Variants in LRRC9 observed in about 807,000 individuals in gnomAD.
The protein encoded by LRRC9 is leucine rich repeat containing 9, also known as leucine-rich repeat-containing protein 9.
Under a neutral mutation model 63.2 loss-of-function variants are expected in LRRC9, and 122 were observed. The ratio of observed to expected loss-of-function variants is 1.93; its 90% CI spans 1.67 to 2.24. LRRC9 has a LOEUF of 2.24. Ranked by LOEUF, LRRC9 falls within the 30% of genes most tolerant of loss-of-function variation. The pLI, the probability that LRRC9 is intolerant of heterozygous loss-of-function variation, is 0.00. For missense variants in LRRC9, 1,071 were observed against 627.7 expected, an observed-to-expected ratio of 1.71 and a Z score of -7.55; for synonymous variants, 366 against 213.1, an observed-to-expected ratio of 1.72 and a Z score of -6.25.
At chr14:59,979,052 T>C (rs1040916324) in intron 15 of LRRC9, among the ~76,000 whole-genome samples, 1 of 152,208 alleles carries the variant, frequency 6.6e-6, no homozygotes, top group Non-Finnish European at 1.5e-5. Flanking sequence ...GACCATTTTC[T>C]ATTAAACTCT....
chr14:59,992,559 G>GA (rs1888268015), intron 17 of LRRC9, among the ~76,000 whole-genome samples: 2 of 151,976 alleles, frequency 1.3e-5, no homozygotes, highest in East Asian at 1.9e-4. Context: ...TAAAAACCTT[G>GA]AAAAAAAATT....
At chr14:60,022,662 C>T (rs1891203398) in intron 26 of LRRC9, 72 bp from the exon 27 acceptor site, 1 of 463,344 alleles carries the variant, frequency 2.2e-6, no homozygotes, top group Admixed American at 3.8e-5. Context: ...TAAACACATA[C>T]TGAACTGTCT....
At position 60,003,090 on chromosome 14, in the gene LRRC9, A is replaced by G. The variant is rs1408504502; in HGVS notation, c.2665-531A>G. 6.6e-6 allele frequency among the ~76,000 whole-genome samples: 1 copy of G among 152,238 alleles called. No homozygotes were observed. Among genetic ancestry groups the G allele is most frequent in the Non-Finnish European group, 1.5e-5 (1 of 68,040 alleles). On this transcript the variant is annotated intron_variant, in intron 20 of 31. Transcript: ENST00000445360. The surrounding 1 kb of genome is among the most constrained non-coding windows in gnomAD (Gnocchi z 4.2). ...GAAAATGGGAGACATTACTGGCATT[A>G]CTTTTATTACAAGATATATATAGAT...
chr14:59,980,036 G>A (rs1886762343), intron 15 of LRRC9, among the ~76,000 whole-genome samples: 1 of 151,824 alleles, frequency 6.6e-6, no homozygotes, highest in South Asian at 2.1e-4. Flanking sequence ...TTTTTAAGAG[G>A]TCAGCTCTCT....
intron 6 of LRRC9, among the ~76,000 whole-genome samples, chr14:59,937,782 A>G (rs1311144171): frequency 6.6e-6 from 1 of 152,194 alleles, no homozygotes; most frequent in Non-Finnish European, 1.5e-5. Flanking sequence ...AGTGCATATC[A>G]ATCCCTCCTC....
At chr14:60,034,015 CTTTTTTTT>C (rs1157239003) in intron 29 of LRRC9, among the ~76,000 whole-genome samples, 4 of 116,016 alleles carry the variant, frequency 3.4e-5, no homozygotes, top group African/African-American at 1.5e-4. Flanking sequence ...TTTTTTCTTT[CTTTTTTTT>C]TTTTTTTTTT....
chr14:59,987,587 G>A (rs1230874678), intron 17 of LRRC9, among the ~76,000 whole-genome samples: 2 of 151,270 alleles, frequency 1.3e-5, no homozygotes, highest in Admixed American at 6.6e-5. Flanking sequence ...AAGATACATC[G>A]CTATATGCCT....
At chr14:60,061,124 G>T (rs1355774644) in intron 31 of LRRC9, among the ~76,000 whole-genome samples, 2 of 152,226 alleles carry the variant, frequency 1.3e-5, no homozygotes, top group East Asian at 3.8e-4. Context: ...GACAACAAAG[G>T]ATTTAGAATA....
chr14:59,991,855 C>T (rs1046350970), intron 17 of LRRC9, among the ~76,000 whole-genome samples: 7 of 152,204 alleles, frequency 4.6e-5, no homozygotes, highest in African/African-American at 1.7e-4. Context: ...TCAAGGAGGC[C>T]TGCCTGCCTC....
intron 12 of LRRC9, 145 bp from the exon 13 acceptor site, chr14:59,974,431 T>G (rs1394906058): frequency 2.4e-6 from 1 of 421,564 alleles, no homozygotes; most frequent in Non-Finnish European, 4.2e-6. Flanking sequence ...AAGTTGCACC[T>G]GAAGGTTATC....
intron 29 of LRRC9, among the ~76,000 whole-genome samples, chr14:60,035,241 G>T (rs1342744597): frequency 5.9e-5 from 9 of 151,858 alleles, no homozygotes; most frequent in Non-Finnish European, 1.3e-4. Context: ...TATGTGTTCT[G>T]ATTACTAATC....
Position 60,053,178 on chromosome 14 carries a change from C to T in LRRC9, c.4104C>T (p.Leu1368=), listed in dbSNP as rs1475724479. Residue 1368 remains leucine (L), a synonymous_variant, in exon 30 of 32, where the codon CTC becomes CTT. Transcript: ENST00000445360. The surrounding 1 kb of genome is among the most constrained non-coding windows in gnomAD (Gnocchi z 4.8). ...ATAGGGCAAAAGCTGAATTTCACCT[C>T]GCTGAACTACAAGCAAAGAAAAACT... The T allele has an allele frequency of 1.4e-5, 10 of 699,326 alleles. No individual in the cohort carries two copies. The highest frequency in any genetic ancestry group is 2.1e-5 in the Non-Finnish European group (8 of 383,112). The allele number at this position is 699,326 out of a possible 1,614,324, so 43.3% of individuals were successfully genotyped here. A position where few individuals can be genotyped will look rare whatever the true frequency, so the allele number is the denominator to read the frequency against.
chr14:60,021,386 G>A (rs1351421774), intron 26 of LRRC9, among the ~76,000 whole-genome samples: 1 of 151,652 alleles, frequency 6.6e-6, no homozygotes, highest in Non-Finnish European at 1.5e-5. Flanking sequence ...TTTATACTGG[G>A]GGTAAGCCCT....
At chr14:60,030,292 A>T (rs908544354) in intron 28 of LRRC9, 2 of 152,102 alleles carry the variant, frequency 1.3e-5, no homozygotes, top group African/African-American at 4.8e-5. Flanking sequence ...AATATAATAC[A>T]TACCCTTGAT....
At position 59,922,635 on chromosome 14, in the gene LRRC9, G is replaced by T. The variant is rs186843535; in HGVS notation, c.-34+2752G>T. ...AGGAAGAACACCTACTAAGACAGGA[G>T]TCAGAAGGGAAAGAAAAATACGTCT... On this transcript the variant is annotated intron_variant, in intron 1 of 31. Coordinates refer to ENST00000445360, the Ensembl canonical transcript of LRRC9. The surrounding 1 kb of genome is among the most constrained non-coding windows in gnomAD (Gnocchi z 5.3). Among the ~76,000 whole-genome samples, 60 of 152,276 alleles carry T rather than the reference G, an allele frequency of 3.9e-4. 1 individual carries two copies. Among genetic ancestry groups the T allele is most frequent in the African/African-American group, 1.3e-3 (54 of 41,550 alleles).
At chr14:59,937,370 A>G (rs926520238) in intron 6 of LRRC9, among the ~76,000 whole-genome samples, 12 of 152,082 alleles carry the variant, frequency 7.9e-5, no homozygotes, top group African/African-American at 2.9e-4. Context: ...GCTTATAGAC[A>G]CAAGCATTTG....
intron 12 of LRRC9, among the ~76,000 whole-genome samples, chr14:59,967,916 T>TAA (rs1885030808): frequency 6.6e-6 from 1 of 152,092 alleles, no homozygotes; most frequent in Admixed American, 6.5e-5. Flanking sequence ...TTTTGCAGAG[T>TAA]TGTTGTTAGG....
chr14:59,945,466 A>T (rs1228476799), intron 8 of LRRC9, among the ~76,000 whole-genome samples: 2 of 151,992 alleles, frequency 1.3e-5, no homozygotes, highest in Non-Finnish European at 2.9e-5. Flanking sequence ...CCAGTAGGAA[A>T]AAAAAGAATT....
chr14:59,946,488 T>C (rs1314426318), intron 8 of LRRC9, among the ~76,000 whole-genome samples: 1 of 150,994 alleles, frequency 6.6e-6, no homozygotes, highest in African/African-American at 2.4e-5. Context: ...GCTTAATCTA[T>C]TTTCTTTTTT....
Sources: gnomAD v4.1 joint callset for allele counts (sites outside exome capture counted in the v4.1 genomes callset) on GRCh38, gnomAD v4.1.1 for gene constraint, Gnocchi (gnomAD v3.1) non-coding constraint, MANE v1.5 for transcripts, NCBI Gene and HGNC (gene_info 2026-07-23, HGNC 2026-07-21) for gene names.